NETO1: variants seen among roughly 807,000 people sequenced by gnomAD.
The protein encoded by NETO1 is neuropilin and tolloid like 1, also known as neuropilin and tolloid-like protein 1.
A neutral mutation model predicts 61.3 loss-of-function variants in NETO1; 26 were observed. The ratio of observed to expected loss-of-function variants is 0.42; its 90% CI spans 0.31 to 0.59. The LOEUF is 0.59. Among genes scored for constraint, NETO1 ranks in the 20% least tolerant of loss-of-function variants. The probability of loss-of-function intolerance (pLI) is 0.12; values close to 1 mark genes in which losing one functional copy is unlikely to be tolerated. For missense variants in NETO1, 531 were observed against 662.8 expected (o/e 0.80, Z 2.18); for synonymous variants, 225 against 225.8 (o/e 1.00, Z 0.03).
In NETO1 at chr18:72,747,011, G is replaced by A. The variant is rs1250432591; in HGVS notation, c.*1168C>T. The A allele has an allele frequency of 6.6e-6, 1 of 151,930 alleles. No individual in the cohort carries two copies. Among genetic ancestry groups the A allele is most frequent in the African/African-American group, 2.4e-5 (1 of 41,414 alleles). 9.4% of individuals were successfully genotyped at this position (151,930 alleles called of 1,614,324 possible). Reference sequence around the variant, plus strand: ...GGTGGTTTAATTCATAAAAGGGCTTGTGATTTTAAAGCAGTTTTAAAAAGA... The same window carrying A: ...GGTGGTTTAATTCATAAAAGGGCTTATGATTTTAAAGCAGTTTTAAAAAGA... On this transcript the variant is annotated 3_prime_UTR_variant, in exon 11 of 11. Transcript: ENST00000327305.
intron 4 of NETO1, among the ~76,000 whole-genome samples, chr18:72,810,265 G>C (rs1568217702): frequency 6.6e-6 from 1 of 152,124 alleles, no homozygotes; most frequent in Non-Finnish European, 1.5e-5. Context: ...ATTTAGGTTT[G>C]AACGGGCATC....
intron 7 of NETO1, among the ~76,000 whole-genome samples, chr18:72,782,307 C>G (rs1313196701): frequency 6.6e-6 from 1 of 152,112 alleles, no homozygotes; most frequent in African/African-American, 2.4e-5. Context: ...GGGGACAGTG[C>G]TGTGATGAAC....
chr18:72,748,884 T>C (rs11872857), intron 10 of NETO1, 130 bp downstream of exon 10: 82,892 of 690,388 alleles, frequency 0.12, 5,864 homozygotes, highest in Middle Eastern at 0.19. Context: ...TATTTCTAAT[T>C]GTGAAATGTC....
intron 7 of NETO1, among the ~76,000 whole-genome samples, chr18:72,759,647 G>A (rs776321818): frequency 6.6e-6 from 1 of 152,170 alleles, no homozygotes; most frequent in Non-Finnish European, 1.5e-5. Context: ...GGTCTCCAAC[G>A]CAGCATGTAG....
intron 7 of NETO1, among the ~76,000 whole-genome samples, chr18:72,765,419 T>C (rs941836936): frequency 2.0e-5 from 3 of 151,284 alleles, no homozygotes; most frequent in Non-Finnish European, 4.4e-5. Context: ...CAATAAAAAT[T>C]CTTTTTTTTT....
intron 4 of NETO1, among the ~76,000 whole-genome samples, chr18:72,819,610 T>C (rs925580038): frequency 2.0e-5 from 3 of 152,182 alleles, no homozygotes. Context: ...TTGAAATATT[T>C]AATAGCATAA....
At chr18:72,811,198 TC>T (rs1398314862) in intron 4 of NETO1, among the ~76,000 whole-genome samples, 1 of 152,132 alleles carries the variant, frequency 6.6e-6, no homozygotes, top group East Asian at 1.9e-4. Flanking sequence ...TTTTCTGACG[TC>T]CAGATCTGAG....
chr18:72,767,813 A>C (rs995964329), intron 7 of NETO1, among the ~76,000 whole-genome samples: 45 of 152,108 alleles, frequency 3.0e-4, no homozygotes, highest in African/African-American at 1.1e-3. Context: ...TAGATTATAC[A>C]ATTTTATTTC....
intron 1 of NETO1, chr18:72,866,992 C>T: frequency 2.3e-6 from 1 of 444,114 alleles, no homozygotes; most frequent in Non-Finnish European, 3.9e-6. Flanking sequence ...CATCCCTGAA[C>T]TGCACGCTAT....
intron 1 of NETO1, chr18:72,865,549 G>A (rs775294852): frequency 5.6e-6 from 9 of 1,603,966 alleles, no homozygotes; most frequent in Non-Finnish European, 3.4e-6. Flanking sequence ...TGGGACTACA[G>A]GAGTCACACT....
chr18:72,789,958 A>G (rs2072057748), intron 6 of NETO1, among the ~76,000 whole-genome samples: 1 of 152,208 alleles, frequency 6.6e-6, no homozygotes, highest in South Asian at 2.1e-4. Context: ...GGGGCTGGAA[A>G]TCTGTGTTCA....
At chr18:72,799,840 C>A (rs2072448217) in intron 4 of NETO1, among the ~76,000 whole-genome samples, 1 of 152,258 alleles carries the variant, frequency 6.6e-6, no homozygotes, top group Non-Finnish European at 1.5e-5. Context: ...AATAGTCTCC[C>A]TGGCAACACA....
intron 4 of NETO1, among the ~76,000 whole-genome samples, chr18:72,824,872 C>T (rs945794763): frequency 6.6e-6 from 1 of 151,822 alleles, no homozygotes; most frequent in Non-Finnish European, 1.5e-5. Context: ...GAGTGAGACT[C>T]GGTCTCAAAC....
chr18:72,770,246 T>C (rs2071309992), intron 7 of NETO1, among the ~76,000 whole-genome samples: 1 of 152,108 alleles, frequency 6.6e-6, no homozygotes, highest in Non-Finnish European at 1.5e-5. Context: ...TATCTTTTTC[T>C]TATTTTTGAA....
At chr18:72,819,341 A>T (rs2073122598) in intron 4 of NETO1, among the ~76,000 whole-genome samples, 1 of 152,228 alleles carries the variant, frequency 6.6e-6, no homozygotes. Flanking sequence ...CTTTACATAT[A>T]TCTGCCTTTC....
intron 7 of NETO1, among the ~76,000 whole-genome samples, chr18:72,778,685 ATATTTC>A (rs1467914997): frequency 6.6e-6 from 1 of 152,172 alleles, no homozygotes; most frequent in African/African-American, 2.4e-5. Flanking sequence ...CTTACTATTT[ATATTTC>A]TATAAGCATT....
intron 4 of NETO1, among the ~76,000 whole-genome samples, chr18:72,824,073 T>C (rs933718267): frequency 1.3e-5 from 2 of 152,246 alleles, no homozygotes; most frequent in African/African-American, 4.8e-5. Flanking sequence ...CTTGTACAAC[T>C]GCATGTCTGT....
At chr18:72,768,337 T>C (rs958522785) in intron 7 of NETO1, among the ~76,000 whole-genome samples, 2 of 152,186 alleles carry the variant, frequency 1.3e-5, no homozygotes, top group Non-Finnish European at 2.9e-5. Context: ...GGCAGACTTG[T>C]GTTAAGATGT....
intron 4 of NETO1, among the ~76,000 whole-genome samples, chr18:72,855,415 A>G (rs2074385551): frequency 1.3e-5 from 2 of 152,208 alleles, no homozygotes; most frequent in Non-Finnish European, 2.9e-5. Flanking sequence ...TGCACTGTGG[A>G]CCTGGGTAAT....
Sources: gnomAD v4.1 joint callset for allele counts (sites outside exome capture counted in the v4.1 genomes callset) on GRCh38, gnomAD v4.1.1 for gene constraint, MANE v1.5 for transcripts, NCBI Gene and HGNC (gene_info 2026-07-23, HGNC 2026-07-21) for gene names.